Variants in PPIP5K2 observed in about 807,000 individuals in gnomAD.
PPIP5K2 encodes the protein inositol hexakisphosphate and diphosphoinositol-pentakisphosphate kinase 2.
A neutral mutation model predicts 154.6 loss-of-function variants in PPIP5K2; 105 were observed. The observed-to-expected ratio is 0.68, with a 90% CI of 0.58 to 0.80. The LOEUF (loss-of-function observed/expected upper bound fraction) is 0.80. Ranked by LOEUF, PPIP5K2 falls within the 30% of genes least tolerant of loss-of-function variation. The pLI is 0.00. For synonymous variants in PPIP5K2, 480 were observed against 490.3 expected, an observed-to-expected ratio of 0.98 and a Z score of 0.28; for missense variants, 992 against 1,504.6, an observed-to-expected ratio of 0.66 and a Z score of 5.64.
chr5:103,197,427 CT>C (rs1374241073), intron 30 of PPIP5K2, among the ~76,000 whole-genome samples: 4 of 151,208 alleles, frequency 2.6e-5, no homozygotes, highest in Non-Finnish European at 5.9e-5. Context: ...GTAATAACTT[CT>C]GTTATTCATG....
chr5:103,190,482 C>T (rs1554226538), intron 28 of PPIP5K2, among the ~76,000 whole-genome samples: 1 of 151,896 alleles, frequency 6.6e-6, no homozygotes, highest in African/African-American at 2.4e-5. Flanking sequence ...CATGTGGCAT[C>T]AGTTTATTCA....
At chr5:103,195,265 A>C (rs1366804061) in intron 30 of PPIP5K2, among the ~76,000 whole-genome samples, 1 of 152,144 alleles carries the variant, frequency 6.6e-6, no homozygotes, top group African/African-American at 2.4e-5. Context: ...CTTTTCCCCA[A>C]ACTAATTTAC....
intron 5 of PPIP5K2, among the ~76,000 whole-genome samples, chr5:103,143,252 A>G (rs1793147910): frequency 6.6e-6 from 1 of 152,228 alleles, no homozygotes; most frequent in South Asian, 2.1e-4. Flanking sequence ...TGTTAGAGTG[A>G]AGTGGCGTGA....
intron 19 of PPIP5K2, 69 bp from the exon 20 acceptor site, chr5:103,173,086 T>C: frequency 7.7e-7 from 1 of 1,300,834 alleles, no homozygotes; most frequent in Non-Finnish European, 1.1e-6. Context: ...TAGACTAATT[T>C]AGGAGTGTAT....
chr5:103,186,171 G>A, intron 26 of PPIP5K2, 149 bp from the exon 27 acceptor site: 1 of 889,984 alleles, frequency 1.1e-6, no homozygotes, highest in Non-Finnish European at 1.7e-6. Flanking sequence ...ACCTCATTAG[G>A]AAATTACAAG....
intron 26 of PPIP5K2, among the ~76,000 whole-genome samples, chr5:103,185,717 T>G (rs952101014): frequency 6.6e-6 from 1 of 152,128 alleles, no homozygotes; most frequent in Non-Finnish European, 1.5e-5. Flanking sequence ...TCTTATTAAT[T>G]AAGATCTTAA....
Position 103,159,222 on chromosome 5 carries a change from T to C in PPIP5K2, c.1814T>C (p.Leu605Ser). 1.2e-6 allele frequency: 2 copies of C among 1,612,266 alleles called. No individual in the cohort carries two copies. The highest frequency in any genetic ancestry group is 1.7e-6 in the Non-Finnish European group (2 of 1,178,498). ...MVKSANMNGL[L>S]DSDSDSLSSC... Reference sequence around the variant, plus strand: ...AAAAGTGCAAATATGAACGGTCTTTTGGATAGTGATAGTGACTCTCTGAGC... The same window carrying C: ...AAAAGTGCAAATATGAACGGTCTTTCGGATAGTGATAGTGACTCTCTGAGC... The change falls in exon 17 of 31, where the codon TTG (leucine) becomes TCG (serine). Residue 605 changes from leucine to serine, a missense_variant. Transcript: ENST00000358359.
At chr5:103,200,060 G>A (rs766265296) in intron 30 of PPIP5K2, among the ~76,000 whole-genome samples, 12 of 152,110 alleles carry the variant, frequency 7.9e-5, no homozygotes, top group Non-Finnish European at 1.6e-4. Flanking sequence ...TTTCTGTTAT[G>A]TTCCTCCAAA....
chr5:103,182,720 T>A (rs1233520789), intron 24 of PPIP5K2, among the ~76,000 whole-genome samples: 3 of 152,188 alleles, frequency 2.0e-5, no homozygotes, highest in Non-Finnish European at 2.9e-5. Context: ...CTGAATTTTT[T>A]AAATATATCA....
intron 19 of PPIP5K2, among the ~76,000 whole-genome samples, chr5:103,172,016 C>CAA (rs1554219675): frequency 1.3e-5 from 2 of 151,552 alleles, no homozygotes; most frequent in East Asian, 3.9e-4. Context: ...CATGTCTTTC[C>CAA]ATTCATTCAA....
chr5:103,185,883 CA>C (rs1214899251), intron 26 of PPIP5K2, among the ~76,000 whole-genome samples: 1 of 150,072 alleles, frequency 6.7e-6, no homozygotes, highest in Non-Finnish European at 1.5e-5. Flanking sequence ...TATAGACATA[CA>C]TTAAAAATAC....
Position 103,166,763 on chromosome 5 carries a change from G to A in PPIP5K2, c.1921-416G>A, listed in dbSNP as rs185247596. 7.7e-4 allele frequency among the ~76,000 whole-genome samples: 117 copies of A among 152,084 alleles called. 1 individual carries two copies. Among genetic ancestry groups the A allele is most frequent in the Non-Finnish European group, 4.4e-5 (3 of 67,952 alleles). On this transcript the variant is annotated intron_variant, in intron 17 of 30. Coordinates refer to ENST00000358359, the MANE Select transcript of PPIP5K2 (RefSeq NM_001276277.3). ...ATTAAGAAAATTCTAGAGTGAGCTA[G>A]AGAAAAGAAAATGTTATTAAGAAAA...
At chr5:103,140,665 G>A (rs1487053941) in intron 5 of PPIP5K2, among the ~76,000 whole-genome samples, 3 of 150,452 alleles carry the variant, frequency 2.0e-5, no homozygotes, top group East Asian at 2.0e-4. Flanking sequence ...GTGAAACCCC[G>A]TCTCTACTAA....
Position 103,195,037 on chromosome 5 carries a change from G to T in PPIP5K2, c.3619+12G>T, listed in dbSNP as rs782062893. 6.3e-7 allele frequency: 1 copy of T among 1,597,402 alleles called. No homozygotes were observed. Among genetic ancestry groups the T allele is most frequent in the South Asian group, 1.2e-5 (1 of 86,946 alleles). On this transcript the variant is annotated intron_variant, in intron 30 of 30. Coordinates refer to ENST00000358359, the MANE Select transcript of PPIP5K2 (RefSeq NM_001276277.3). ...AAGCAGCAAACCAGGTAAGGGGTGT[G>T]TGTGTTGAGTTTGTGGATTTGCACA... is the stretch of plus-strand genomic sequence containing the variant.
intron 17 of PPIP5K2, among the ~76,000 whole-genome samples, chr5:103,164,190 A>G (rs1304320597): frequency 6.6e-6 from 1 of 151,696 alleles, no homozygotes; most frequent in African/African-American, 2.4e-5. Context: ...TTTCTTTGTA[A>G]TTTGTGTAGG....
intron 24 of PPIP5K2, among the ~76,000 whole-genome samples, chr5:103,182,624 C>T (rs1291356809): frequency 1.3e-5 from 2 of 152,238 alleles, no homozygotes; most frequent in Middle Eastern, 3.4e-3. Context: ...CATGTTTTGC[C>T]TACTGAATCT....
chr5:103,174,851 T>C (rs1264871167), intron 21 of PPIP5K2, among the ~76,000 whole-genome samples: 3 of 152,066 alleles, frequency 2.0e-5, no homozygotes, highest in African/African-American at 7.2e-5. Flanking sequence ...ATGTCAGCCA[T>C]CTTTGGAAAA....
intron 17 of PPIP5K2, among the ~76,000 whole-genome samples, chr5:103,162,350 C>CTTTTTTTTTTTTTTTT (rs200973581): frequency 1.4e-5 from 2 of 138,552 alleles, no homozygotes; most frequent in Admixed American, 7.2e-5. Context: ...GATGTGTTTT[C>CTTTTTTTTTTTTTTTT]TTTTTTTTTT....
intron 1 of PPIP5K2, among the ~76,000 whole-genome samples, chr5:103,128,031 G>T (rs1308888453): frequency 2.6e-5 from 4 of 151,788 alleles, no homozygotes; most frequent in African/African-American, 9.7e-5. Context: ...AATTATTTCT[G>T]CTTTTATTTT....
Sources: allele counts gnomAD v4.1 joint callset (sites outside exome capture counted in the v4.1 genomes callset), GRCh38; gene constraint gnomAD v4.1.1; transcripts MANE v1.5; gene names NCBI Gene and HGNC (gene_info 2026-07-23, HGNC 2026-07-21).